Variants in GRIN2B observed in about 807,000 individuals in gnomAD.
GRIN2B encodes glutamate receptor ionotropic, NMDA 2B.
In GRIN2B, 5 loss-of-function variants were observed where a neutral mutation model predicts 114.5. The observed-to-expected ratio is 0.04, with a 90% CI of 0.02 to 0.09. GRIN2B has a LOEUF of 0.09. Ranked by LOEUF, GRIN2B falls within the 10% of genes least tolerant of loss-of-function variation. GRIN2B has a pLI of 1.00. For synonymous variants in GRIN2B, 787 were observed against 745.1 expected (o/e 1.06, Z -0.92); for missense variants, 1,108 against 1,943.5 (o/e 0.57, Z 8.08).
At chr12:13,872,801 CA>C (rs1231031749) in intron 2 of GRIN2B, among the ~76,000 whole-genome samples, 1 of 152,118 alleles carries the variant, frequency 6.6e-6, no homozygotes, top group African/African-American at 2.4e-5. Flanking sequence ...TAGGAATTAA[CA>C]AAAGTCTTAA....
rs566680507 is a variant in GRIN2B at position 13,739,027 on chromosome 12, A to G, written c.1010+14290T>C. Among the ~76,000 whole-genome samples the G allele has an allele frequency of 1.1e-4, 16 of 152,262 alleles. 1 individual carries two copies. In the South Asian group the frequency reaches 3.3e-3, roughly 32 times the overall value. The stretch of plus-strand genomic sequence containing the variant: ...CGGGAGGAAGTCAGCACATCAATAC[A>G]TCCCTGAGGCTGTTGAGTCAGTATC... On this transcript the variant is annotated intron_variant, in intron 4 of 13. Coordinates refer to ENST00000609686, the MANE Select transcript of GRIN2B (RefSeq NM_000834.5).
chr12:13,617,463 G>A (rs75830871), intron 5 of GRIN2B, among the ~76,000 whole-genome samples: 9,352 of 152,220 alleles, frequency 0.061, 407 homozygotes, highest in South Asian at 0.12. Flanking sequence ...TGAACATGGC[G>A]GCCTGCTGGC....
At chr12:13,672,493 C>T (rs527779480) in intron 5 of GRIN2B, among the ~76,000 whole-genome samples, 60 of 152,218 alleles carry the variant, frequency 3.9e-4, no homozygotes, top group Non-Finnish European at 5.9e-4. Flanking sequence ...GTCCTGGGGA[C>T]GAGGATAACA....
intron 5 of GRIN2B, among the ~76,000 whole-genome samples, chr12:13,642,209 CAA>C (rs986542881): frequency 2.6e-4 from 40 of 151,808 alleles, no homozygotes; most frequent in African/African-American, 9.2e-4. Flanking sequence ...AACAAACAAA[CAA>C]ACAAACAAAC....
At position 13,892,305 on chromosome 12, in the gene GRIN2B, C is replaced by T. The variant is rs114744817; in HGVS notation, c.-18-26079G>A. Among the ~76,000 whole-genome samples, 475 of 152,198 alleles carry T rather than the reference C, an allele frequency of 3.1e-3. 3 individuals are homozygous for T. Among genetic ancestry groups the T allele is most frequent in the African/African-American group, 0.01 (428 of 41,540 alleles). On this transcript the variant is annotated intron_variant, in intron 2 of 13. Coordinates refer to ENST00000609686, the MANE Select transcript of GRIN2B (RefSeq NM_000834.5). The stretch of plus-strand genomic sequence containing the variant: ...ACCAGAAGTCCCATCTCCCAATGGC[C>T]GAGTTCTAATTTGTATTTTATGCTT...
intron 4 of GRIN2B, among the ~76,000 whole-genome samples, chr12:13,702,166 G>A (rs879276436): frequency 6.6e-6 from 1 of 152,074 alleles, no homozygotes; most frequent in Non-Finnish European, 1.5e-5. Context: ...TTTCCCATAG[G>A]ACCTTAGCTT....
chr12:13,594,874 G>A (rs562663907), intron 10 of GRIN2B, among the ~76,000 whole-genome samples: 1 of 152,272 alleles, frequency 6.6e-6, no homozygotes. Flanking sequence ...AGGAGCTGGA[G>A]AACTGCTGTG....
chr12:13,824,074 G>A (rs1323738727), intron 3 of GRIN2B, among the ~76,000 whole-genome samples: 1 of 152,102 alleles, frequency 6.6e-6, no homozygotes, highest in Non-Finnish European at 1.5e-5. Flanking sequence ...CTATATTCAT[G>A]AGAAATATTG....
chr12:13,680,889 T>C (rs1466249347), intron 4 of GRIN2B, among the ~76,000 whole-genome samples: 1 of 152,136 alleles, frequency 6.6e-6, no homozygotes, highest in Non-Finnish European at 1.5e-5. Context: ...TCTACCTGCT[T>C]GCCTGCTTGT....
chr12:13,590,430 T>A (rs1948991930), intron 10 of GRIN2B, among the ~76,000 whole-genome samples: 1 of 152,062 alleles, frequency 6.6e-6, no homozygotes, highest in South Asian at 2.1e-4. Flanking sequence ...GATGTTCCCC[T>A]CCCTGTGTCC....
intron 4 of GRIN2B, among the ~76,000 whole-genome samples, chr12:13,752,400 G>A (rs915206353): frequency 6.6e-6 from 1 of 152,158 alleles, no homozygotes; most frequent in African/African-American, 2.4e-5. Context: ...TACATGCATA[G>A]AGAGATATCT....
chr12:13,717,617 C>T (rs1421870290), intron 4 of GRIN2B, among the ~76,000 whole-genome samples: 12 of 151,886 alleles, frequency 7.9e-5, no homozygotes, highest in Non-Finnish European at 1.3e-4. Context: ...GCAGTAGACG[C>T]GCGAGAACCC....
chr12:13,619,695 T>G (rs2136485355), intron 5 of GRIN2B, among the ~76,000 whole-genome samples: 1 of 152,354 alleles, frequency 6.6e-6, no homozygotes, highest in Non-Finnish European at 1.5e-5. Context: ...GGTATAGATG[T>G]GCTAGGCACT....
rs1265201296 is a variant in GRIN2B, at chr12:13,564,340, T to C, written c.2898A>G (p.Val966=). ...GCTGCAGGTTCCCGAACGTTCTCTC[T>C]ACCTCACTGATGTAGTCACTGAAGA... ...ENLFSDYISE[V]ERTFGNLQLK... The change falls in exon 14 of 14, where the codon GTA becomes GTG. Residue 966 remains valine, a synonymous_variant. Coordinates refer to ENST00000609686, the MANE Select transcript of GRIN2B (RefSeq NM_000834.5). This position sits in a 1 kb window ranked among gnomAD's most constrained non-coding sequence, Gnocchi z 4.8. 2 of 1,614,080 alleles carry C rather than the reference T, an allele frequency of 1.2e-6. No individual in the cohort carries two copies. The highest frequency in any genetic ancestry group is 1.3e-5 in the African/African-American group (1 of 74,936).
chr12:13,626,964 G>T (rs1949575182), intron 5 of GRIN2B, among the ~76,000 whole-genome samples: 2 of 151,906 alleles, frequency 1.3e-5, no homozygotes, highest in African/African-American at 4.8e-5. Context: ...ATAGCTGAGA[G>T]GTTGAAGGGT....
chr12:13,664,920 A>G (rs572642298), intron 5 of GRIN2B, among the ~76,000 whole-genome samples: 2 of 152,274 alleles, frequency 1.3e-5, no homozygotes, highest in African/African-American at 4.8e-5. Context: ...TGTCTGATCA[A>G]TGGGGCTGCA....
chr12:13,573,602 AGCTGT>A (rs1948734851), intron 10 of GRIN2B, among the ~76,000 whole-genome samples: 1 of 125,480 alleles, frequency 8.0e-6, no homozygotes, highest in African/African-American at 3.1e-5. Context: ...TGATCATTGT[AGCTGT>A]GCTGTGCTTT....
intron 3 of GRIN2B, among the ~76,000 whole-genome samples, chr12:13,754,432 G>A (rs1214186687): frequency 2.0e-5 from 3 of 152,134 alleles, no homozygotes; most frequent in Non-Finnish European, 4.4e-5. Context: ...CAGTCACAGA[G>A]TGCATAATCC....
chr12:13,950,264 T>C, intron 2 of GRIN2B, among the ~76,000 whole-genome samples: 2 of 152,230 alleles, frequency 1.3e-5, no homozygotes, highest in Middle Eastern at 6.8e-3. Context: ...ACAGAGTAGA[T>C]GAATCAACCC....
Sources: gnomAD v4.1 joint callset for allele counts (sites outside exome capture counted in the v4.1 genomes callset) on GRCh38, gnomAD v4.1.1 for gene constraint, Gnocchi (gnomAD v3.1) non-coding constraint, MANE v1.5 for transcripts, NCBI Gene and HGNC (gene_info 2026-07-23, HGNC 2026-07-21) for gene names.